The following ZNF469 variants were observed in gnomAD, a reference collection of about 807,000 sequenced individuals.
ZNF469 encodes the protein zinc finger protein 469.
A neutral mutation model predicts 1.0 loss-of-function variants in ZNF469; 1 was observed. The observed-to-expected ratio is 1.00, with a 90% confidence interval of 0.35 to 4.73. The LOEUF (loss-of-function observed/expected upper bound fraction) is 4.73, where lower values mean the gene tolerates loss of function less well. Ranked by LOEUF, ZNF469 falls within the 30% of genes most tolerant of loss-of-function variation. ZNF469 has a pLI of 0.16. For missense variants in ZNF469, 6,100 were observed against 5,356.3 expected, an observed-to-expected ratio of 1.14 and a Z score of -4.33; for synonymous variants, 2,703 against 2,363.4, an observed-to-expected ratio of 1.14 and a Z score of -4.17.
intron 1 of ZNF469, among the ~76,000 whole-genome samples, chr16:88,389,339 C>A (rs2142263582): frequency 6.6e-6 from 1 of 152,366 alleles, no homozygotes; most frequent in African/African-American, 2.4e-5. Context: ...GTCGGCGCTT[C>A]CTTCGTCTTT....
At chr16:88,122,114 A>T in the ZNF469 span, among the ~76,000 whole-genome samples, 2 of 146,220 alleles carry the variant, frequency 1.4e-5, no homozygotes, top group Middle Eastern at 3.4e-3. Flanking sequence ...ACACTCTGTC[A>T]CTCACTGTGG....
rs2142308428 is a variant in ZNF469, at chr16:88,433,259, A to G, written c.5789A>G (p.Gln1930Arg). The part of the protein sequence containing the change: ...LGLQELTPAA[Q>R]SPPRVNPSGL... ...TTGCAGGAGCTGACACCTGCTGCCC[A>G]GAGCCCTCCACGAGTGAACCCCTCA... is the stretch of plus-strand genomic sequence containing the variant. Residue 1930 changes from glutamine (Q) to arginine (R), a missense_variant, in exon 3 of 3, where the codon CAG becomes CGG. Gln to Arg is a conservative substitution (Grantham distance 43). Coordinates refer to ENST00000565624, the MANE Select transcript of ZNF469 (RefSeq NM_001367624.2). The G allele has an allele frequency of 6.5e-7, 1 of 1,550,356 alleles. No individual in the cohort carries two copies. The highest frequency in any genetic ancestry group is 8.7e-7 in the Non-Finnish European group (1 of 1,146,950).
the ZNF469 span, among the ~76,000 whole-genome samples, chr16:88,322,400 C>T: frequency 6.6e-6 from 1 of 152,248 alleles, no homozygotes; most frequent in Non-Finnish European, 1.5e-5. Flanking sequence ...CTCTCGCGGT[C>T]TCGGGAGCCC....
At chr16:88,272,952 G>A in the ZNF469 span, among the ~76,000 whole-genome samples, 1 of 149,778 alleles carries the variant, frequency 6.7e-6, no homozygotes, top group African/African-American at 2.5e-5. Context: ...ATGAACGGGT[G>A]GGTGTGTGGA....
At chr16:88,208,590 G>T in the ZNF469 span, among the ~76,000 whole-genome samples, 1 of 53,806 alleles carries the variant, frequency 1.9e-5, no homozygotes, top group African/African-American at 5.4e-5. Context: ...AGAGAGGGAG[G>T]GAGAGAAAGG....
chr16:88,127,534 G>C, the ZNF469 span, among the ~76,000 whole-genome samples: 3 of 152,178 alleles, frequency 2.0e-5, no homozygotes, highest in Admixed American at 6.5e-5. Context: ...AGAAAGATAA[G>C]TGAACAGCAT....
At chr16:88,228,828 CTTT>C in the ZNF469 span, among the ~76,000 whole-genome samples, 1 of 152,140 alleles carries the variant, frequency 6.6e-6, no homozygotes, top group Non-Finnish European at 1.5e-5. Flanking sequence ...TCATAAATGG[CTTT>C]TATTTTTAAT....
chr16:88,253,303 A>C, the ZNF469 span, among the ~76,000 whole-genome samples: 1 of 151,850 alleles, frequency 6.6e-6, no homozygotes, highest in Non-Finnish European at 1.5e-5. Flanking sequence ...TTCCACAGTA[A>C]CTCCCTGACG....
At chr16:88,417,717 T>C (rs1385454976) in intron 1 of ZNF469, among the ~76,000 whole-genome samples, 3 of 152,228 alleles carry the variant, frequency 2.0e-5, no homozygotes, top group African/African-American at 7.2e-5. Context: ...GGGTAGGCTG[T>C]GTCTCCAAAG....
chr16:88,230,456 G>C, the ZNF469 span, among the ~76,000 whole-genome samples: 2 of 152,214 alleles, frequency 1.3e-5, no homozygotes, highest in Admixed American at 6.5e-5. Context: ...AGGGGTCACT[G>C]TGGGTAACTG....
the ZNF469 span, among the ~76,000 whole-genome samples, chr16:88,123,845 C>G: frequency 1.3e-5 from 2 of 152,068 alleles, no homozygotes; most frequent in Non-Finnish European, 2.9e-5. Context: ...CTCTTGTTGC[C>G]CAGGCTGGAG....
Position 88,427,575 on chromosome 16 carries a change from G to A in ZNF469, c.105G>A (p.Leu35=). The change falls in exon 3 of 3, where the codon CTG becomes CTA. Residue 35 remains leucine (L), a synonymous_variant. Transcript: ENST00000565624. ...CGGGGCACCCCTCCCAGCCGCCACT[G>A]GAGGACAACACCCCAGCTACCAGGA... ...SSPGHPSQPP[L]EDNTPATRTT... 2 of 1,536,960 alleles carry A rather than the reference G, an allele frequency of 1.3e-6. No homozygotes were observed. The highest frequency in any genetic ancestry group is 1.7e-6 in the Non-Finnish European group (2 of 1,146,358).
the ZNF469 span, among the ~76,000 whole-genome samples, chr16:88,143,540 C>A: frequency 1.3e-5 from 2 of 152,172 alleles, no homozygotes; most frequent in East Asian, 1.9e-4. Context: ...CTCTGCTCCC[C>A]CCATGCGTGG....
At chr16:88,138,216 G>A in the ZNF469 span, among the ~76,000 whole-genome samples, 1 of 152,222 alleles carries the variant, frequency 6.6e-6, no homozygotes, top group African/African-American at 2.4e-5. Flanking sequence ...TTTTGTAGTA[G>A]TTGGTGAATC....
the ZNF469 span, among the ~76,000 whole-genome samples, chr16:88,211,109 T>A: frequency 7.9e-4 from 120 of 152,342 alleles, 1 homozygote; most frequent in African/African-American, 2.7e-3. Context: ...CCTTAAATAG[T>A]TTTTCCCCGC....
the ZNF469 span, among the ~76,000 whole-genome samples, chr16:88,129,244 C>T: frequency 6.6e-6 from 1 of 152,190 alleles, no homozygotes; most frequent in African/African-American, 2.4e-5. Flanking sequence ...GCCTCAGGCT[C>T]CTCATCTTAA....
At chr16:88,356,935 T>C in the ZNF469 span, among the ~76,000 whole-genome samples, 396 of 152,380 alleles carry the variant, frequency 2.6e-3, 1 homozygote, top group African/African-American at 9.1e-3. Context: ...GAGAACCTTC[T>C]GGAAGCTTGG....
At chr16:88,104,028 G>C in the ZNF469 span, among the ~76,000 whole-genome samples, 1 of 152,010 alleles carries the variant, frequency 6.6e-6, no homozygotes, top group African/African-American at 2.4e-5. Context: ...GGTTGCCTGC[G>C]TCTGCTGTGC....
At chr16:88,329,997 G>A in the ZNF469 span, among the ~76,000 whole-genome samples, 3 of 152,238 alleles carry the variant, frequency 2.0e-5, no homozygotes, top group Non-Finnish European at 2.9e-5. Context: ...CAGGCAGAGT[G>A]GAAGCAGCCA....
Sources: gnomAD v4.1 joint callset for allele counts (sites outside exome capture counted in the v4.1 genomes callset) on GRCh38, gnomAD v4.1.1 for gene constraint, MANE v1.5 for transcripts, NCBI Gene and HGNC (gene_info 2026-07-23, HGNC 2026-07-21) for gene names.